PTCSC3: variants seen among roughly 807,000 people sequenced by gnomAD.
PTCSC3 encodes papillary thyroid carcinoma susceptibility candidate 3 (non-protein coding).
intron 2 of PTCSC3, chr14:36,162,475 G>A (rs1259950646): frequency 6.6e-6 from 1 of 152,252 alleles, no homozygotes; most frequent in Non-Finnish European, 1.5e-5. Flanking sequence ...CCCTTGGCTA[G>A]GGGAGGGAGT....
At chr14:36,160,813 A>G (rs773699283) in intron 2 of PTCSC3, among the ~76,000 whole-genome samples, 7 of 152,020 alleles carry the variant, frequency 4.6e-5, no homozygotes, top group African/African-American at 1.7e-4. Flanking sequence ...TATCCTGAAG[A>G]GTGTTTTCCA....
intron 3 of PTCSC3, among the ~76,000 whole-genome samples, chr14:36,143,066 A>G (rs1262345460): frequency 6.6e-6 from 1 of 151,790 alleles, no homozygotes; most frequent in African/African-American, 2.4e-5. Context: ...ATTGTTGGAC[A>G]TTTGGGTTAG....
intron 1 of PTCSC3, among the ~76,000 whole-genome samples, chr14:36,163,434 GAACA>G (rs989614285): frequency 6.6e-6 from 1 of 151,414 alleles, no homozygotes; most frequent in African/African-American, 2.4e-5. Flanking sequence ...GAAAAAAAAA[GAACA>G]AAGAAATACA....
chr14:36,150,560 G>A (rs1169125), intron 3 of PTCSC3, among the ~76,000 whole-genome samples: 70,234 of 152,002 alleles, frequency 0.46, 18,179 homozygotes, highest in Non-Finnish European at 0.59. Flanking sequence ...TGATACAGTT[G>A]AATACCTGCC....
chr14:36,140,021 A>G (rs887371791), intron 3 of PTCSC3, among the ~76,000 whole-genome samples: 1 of 152,180 alleles, frequency 6.6e-6, no homozygotes, highest in Non-Finnish European at 1.5e-5. Context: ...CCATGCAACC[A>G]TGGACCTTTT....
chr14:36,163,365 T>TC (rs1438176630), intron 1 of PTCSC3, among the ~76,000 whole-genome samples: 1 of 152,064 alleles, frequency 6.6e-6, no homozygotes, highest in Non-Finnish European at 1.5e-5. Context: ...TCACCTTTAT[T>TC]TCCTATGGAA....
At chr14:36,164,036 A>G (rs937057839) in intron 1 of PTCSC3, 1 of 152,224 alleles carries the variant, frequency 6.6e-6, no homozygotes, top group Non-Finnish European at 1.5e-5. Context: ...GGACAGCAGA[A>G]TTACAACATT....
At chr14:36,157,830 C>T (rs542366688) in intron 2 of PTCSC3, among the ~76,000 whole-genome samples, 35 of 152,220 alleles carry the variant, frequency 2.3e-4, no homozygotes, top group African/African-American at 7.7e-4. Flanking sequence ...AGCATTCACT[C>T]TATAAATTAC....
intron 3 of PTCSC3, among the ~76,000 whole-genome samples, chr14:36,137,818 T>C (rs537192931): frequency 1.3e-4 from 20 of 152,292 alleles, no homozygotes; most frequent in African/African-American, 4.3e-4. Flanking sequence ...TATCTTAATA[T>C]GTGGAATTTT....
chr14:36,136,338 T>A (rs913164911), exon 4 of PTCSC3: 3 of 152,476 alleles, frequency 2.0e-5, no homozygotes, highest in Non-Finnish European at 4.4e-5. Flanking sequence ...AGTGGTAGAC[T>A]CCCTGCAGAG....
At chr14:36,141,492 A>G (rs1338310765) in intron 3 of PTCSC3, among the ~76,000 whole-genome samples, 1 of 152,048 alleles carries the variant, frequency 6.6e-6, no homozygotes. Flanking sequence ...AGCTGGGATT[A>G]CAGGCACATG....
intron 3 of PTCSC3, among the ~76,000 whole-genome samples, chr14:36,138,846 C>T (rs1257972082): frequency 2.0e-5 from 3 of 152,200 alleles, no homozygotes; most frequent in South Asian, 2.1e-4. Flanking sequence ...TGGCCGGGCG[C>T]GGGTGGCTCG....
At chr14:36,154,739 G>C (rs1566507082) in intron 2 of PTCSC3, among the ~76,000 whole-genome samples, 1 of 152,118 alleles carries the variant, frequency 6.6e-6, no homozygotes, top group Non-Finnish European at 1.5e-5. Flanking sequence ...TTCTCTCTCT[G>C]GGGGAGGGGC....
At chr14:36,147,732 G>T (rs964368994) in intron 3 of PTCSC3, among the ~76,000 whole-genome samples, 1 of 152,042 alleles carries the variant, frequency 6.6e-6, no homozygotes, top group Non-Finnish European at 1.5e-5. Flanking sequence ...GAGGAGGAGA[G>T]GCGCTCTGCT....
chr14:36,164,499 T>C (rs1341036946), intron 1 of PTCSC3, among the ~76,000 whole-genome samples: 1 of 152,248 alleles, frequency 6.6e-6, no homozygotes, highest in Admixed American at 6.5e-5. Context: ...CCTGTTCAAC[T>C]GCACTTTAAA....
intron 3 of PTCSC3, among the ~76,000 whole-genome samples, chr14:36,138,576 C>T (rs938210784): frequency 1.3e-5 from 2 of 152,046 alleles, no homozygotes; most frequent in Admixed American, 6.6e-5. Context: ...AAGAAACATA[C>T]GAAAAGATGT....
intron 3 of PTCSC3, among the ~76,000 whole-genome samples, chr14:36,145,496 T>C (rs1246606825): frequency 2.7e-5 from 4 of 149,244 alleles, no homozygotes; most frequent in South Asian, 4.4e-4. Flanking sequence ...TCTGTGGGAT[T>C]GGTGGTGATA....
chr14:36,158,274 G>A (rs1475729734), intron 2 of PTCSC3, among the ~76,000 whole-genome samples: 1 of 152,170 alleles, frequency 6.6e-6, no homozygotes, highest in Admixed American at 6.5e-5. Context: ...GCCCTGGCCA[G>A]AAGTTCCAAT....
At chr14:36,167,778 C>T (rs1030293003) in intron 1 of PTCSC3, among the ~76,000 whole-genome samples, 14 of 152,070 alleles carry the variant, frequency 9.2e-5, no homozygotes, top group African/African-American at 2.9e-4. Context: ...ATAGTCTGCC[C>T]GTCAGAGGGG....
Sources: gnomAD v4.1 joint callset for allele counts (sites outside exome capture counted in the v4.1 genomes callset) on GRCh38, gnomAD v4.1.1 for gene constraint, MANE v1.5 for transcripts, NCBI Gene and HGNC (gene_info 2026-07-23, HGNC 2026-07-21) for gene names.